The following GRK5 variants were observed in gnomAD, a reference collection of about 807,000 sequenced individuals.
GRK5 encodes the protein g protein-coupled receptor kinase GRK5.
GRK5 carries 40 observed loss-of-function variants against 78.4 expected under a neutral mutation model. The ratio of observed to expected loss-of-function variants is 0.51; its 90% confidence interval spans 0.40 to 0.66. The LOEUF (loss-of-function observed/expected upper bound fraction) is 0.66, where lower values mean the gene tolerates loss of function less well. GRK5 is among the 30% of genes least tolerant of loss of function. The probability of loss-of-function intolerance (pLI) is 0.00; values close to 1 mark genes in which losing one functional copy is unlikely to be tolerated. For synonymous variants in GRK5, 289 were observed against 296.8 expected, an observed-to-expected ratio of 0.97 and a Z score of 0.27; for missense variants, 598 against 759.9, an observed-to-expected ratio of 0.79 and a Z score of 2.50.
At chr10:119,315,444 A>T (rs995937491) in intron 1 of GRK5, among the ~76,000 whole-genome samples, 2 of 152,162 alleles carry the variant, frequency 1.3e-5, no homozygotes, top group African/African-American at 4.8e-5. Context: ...AAGGTGGCAG[A>T]GCCCTGGTGG....
rs534386205 is a variant in GRK5 at position 119,421,744 on chromosome 10, C to G, written c.340-1422C>G. On this transcript the variant is annotated intron_variant, in intron 4 of 15. Transcript: ENST00000392870. ...TCGCATCCACACTGCAGGCTGCCCC[C>G]CAAGAAGCTGAAGCCTCTCAGGCCT... is the stretch of plus-strand genomic sequence containing the variant. Among the ~76,000 whole-genome samples, 18 of 152,350 alleles carry G rather than the reference C, an allele frequency of 1.2e-4. No homozygotes were observed. In the South Asian group the frequency reaches 2.5e-3, roughly 21 times the overall value.
intron 6 of GRK5, among the ~76,000 whole-genome samples, chr10:119,427,969 T>A (rs77855513): frequency 2.0e-5 from 2 of 101,074 alleles, no homozygotes; most frequent in Non-Finnish European, 4.3e-5. Flanking sequence ...ACTGCCATCA[T>A]CAGCATCACC....
chr10:119,237,451 A>G (rs1450498630), intron 1 of GRK5, among the ~76,000 whole-genome samples: 4 of 152,254 alleles, frequency 2.6e-5, no homozygotes, highest in Non-Finnish European at 4.4e-5. Flanking sequence ...GGACTGACTT[A>G]AAACATAATT....
intron 2 of GRK5, among the ~76,000 whole-genome samples, chr10:119,358,314 A>G (rs1312956097): frequency 6.6e-6 from 1 of 152,148 alleles, no homozygotes; most frequent in African/African-American, 2.4e-5. Flanking sequence ...AAGGGCACAG[A>G]GTGATTATGC....
chr10:119,308,263 C>T (rs780944436), intron 1 of GRK5, among the ~76,000 whole-genome samples: 8 of 152,104 alleles, frequency 5.3e-5, no homozygotes, highest in African/African-American at 1.4e-4. Flanking sequence ...TCACTGATTG[C>T]GCACCCCAGG....
chr10:119,380,381 A>G (rs772882465), intron 2 of GRK5, among the ~76,000 whole-genome samples: 29 of 152,154 alleles, frequency 1.9e-4, no homozygotes, highest in Admixed American at 7.2e-4. Flanking sequence ...CCCACTCACC[A>G]TGACCTCCAG....
intron 1 of GRK5, among the ~76,000 whole-genome samples, chr10:119,224,748 G>T (rs1848708661): frequency 6.6e-6 from 1 of 152,230 alleles, no homozygotes; most frequent in South Asian, 2.1e-4. Flanking sequence ...AGGTAATATG[G>T]TATCTTCTCC....
Position 119,380,921 on chromosome 10 carries a change from C to T in GRK5, c.255C>T (p.Asp85=), listed in dbSNP as rs1172475077. Residue 85 remains aspartate, a synonymous_variant, in exon 3 of 16, where the codon GAC becomes GAT. Coordinates refer to ENST00000392870, the MANE Select transcript of GRK5 (RefSeq NM_005308.3). ...TGGAGTGTTACATTCAGTTCCTGGACTCCGTGGTAAGTTCCTGCTCCTGAG... is the reference window on the plus strand; with the variant it reads ...TGGAGTGTTACATTCAGTTCCTGGATTCCGTGGTAAGTTCCTGCTCCTGAG... ...PGLECYIQFL[D]SVAEYEVTPD... 1.9e-6 allele frequency: 3 copies of T among 1,601,970 alleles called. No homozygotes were observed. Among genetic ancestry groups the T allele is most frequent in the South Asian group, 1.1e-5 (1 of 90,814 alleles).
intron 4 of GRK5, among the ~76,000 whole-genome samples, chr10:119,401,858 A>G (rs529383930): frequency 6.6e-6 from 1 of 152,314 alleles, no homozygotes; most frequent in Admixed American, 6.5e-5. Context: ...GATGATTTAT[A>G]CTAGCTGCCA....
intron 6 of GRK5, among the ~76,000 whole-genome samples, chr10:119,425,634 C>T (rs968040932): frequency 1.3e-5 from 2 of 152,228 alleles, no homozygotes; most frequent in African/African-American, 4.8e-5. Flanking sequence ...ACCTCCAGTG[C>T]CACAGTGCCC....
At chr10:119,400,283 G>A (rs1052109276) in intron 4 of GRK5, among the ~76,000 whole-genome samples, 3 of 152,222 alleles carry the variant, frequency 2.0e-5, no homozygotes, top group Non-Finnish European at 2.9e-5. Flanking sequence ...GCTAGAGGAC[G>A]CTTCCAGGAG....
intron 4 of GRK5, among the ~76,000 whole-genome samples, chr10:119,400,471 G>T (rs1383303503): frequency 6.6e-6 from 1 of 152,188 alleles, no homozygotes; most frequent in Non-Finnish European, 1.5e-5. Flanking sequence ...ATGCGTAGAG[G>T]CCATGGATGC....
chr10:119,266,164 G>T (rs569018852), intron 1 of GRK5, among the ~76,000 whole-genome samples: 25 of 152,298 alleles, frequency 1.6e-4, no homozygotes, highest in African/African-American at 5.8e-4. Context: ...TTTTAGGAAC[G>T]ATGCTGGCTG....
chr10:119,419,694 C>A (rs984807190), intron 4 of GRK5, among the ~76,000 whole-genome samples: 1 of 152,226 alleles, frequency 6.6e-6, no homozygotes, highest in African/African-American at 2.4e-5. Context: ...CACCTCTAGA[C>A]CCTGGACAAT....
rs1445246502 is a variant in GRK5, at chr10:119,219,109, G to A, written c.52+11140G>A. ...TCACCGTGTTAGCCAGGATGGTCTCGATCTCCTGACCTCGTGATCCTCCCT... is the reference window on the plus strand; with the variant it reads ...TCACCGTGTTAGCCAGGATGGTCTCAATCTCCTGACCTCGTGATCCTCCCT... On this transcript the variant is annotated intron_variant, in intron 1 of 15. Transcript: ENST00000392870. 2.6e-5 allele frequency among the ~76,000 whole-genome samples: 4 copies of A among 152,200 alleles called. No homozygotes were observed. The South Asian group carries it at 6.2e-4, about 24-fold the overall frequency.
chr10:119,369,707 G>A (rs1003744380), intron 2 of GRK5, among the ~76,000 whole-genome samples: 2 of 152,220 alleles, frequency 1.3e-5, no homozygotes, highest in Admixed American at 6.5e-5. Context: ...TTCTGCGGAC[G>A]CCTCTTTGGT....
chr10:119,382,344 C>T (rs1851725818), intron 3 of GRK5, among the ~76,000 whole-genome samples: 1 of 152,174 alleles, frequency 6.6e-6, no homozygotes, highest in Non-Finnish European at 1.5e-5. Context: ...CTTAAAAACA[C>T]ACCAGAGCCT....
chr10:119,338,930 A>G (rs1051462990), intron 2 of GRK5, among the ~76,000 whole-genome samples: 2 of 152,264 alleles, frequency 1.3e-5, no homozygotes, highest in East Asian at 1.9e-4. Flanking sequence ...TAATGTTCAA[A>G]TGAACATCTT....
chr10:119,449,548 C>A (rs187114253), intron 13 of GRK5, among the ~76,000 whole-genome samples: 61 of 152,254 alleles, frequency 4.0e-4, no homozygotes, highest in African/African-American at 1.3e-3. Context: ...TGCCTATAAT[C>A]CCAGCACTTG....
Sources: allele counts gnomAD v4.1 joint callset (sites outside exome capture counted in the v4.1 genomes callset), GRCh38; gene constraint gnomAD v4.1.1; transcripts MANE v1.5; gene names NCBI Gene and HGNC (gene_info 2026-07-23, HGNC 2026-07-21).